Variants in CPS1 observed in about 807,000 individuals in gnomAD.
CPS1 encodes carbamoyl-phosphate synthase [ammonia], mitochondrial.
A neutral mutation model predicts 174.6 loss-of-function variants in CPS1; 109 were observed. The ratio of observed to expected loss-of-function variants is 0.62; its 90% CI spans 0.53 to 0.73. CPS1 has a LOEUF of 0.73. Among genes scored for constraint, CPS1 ranks in the 30% least tolerant of loss-of-function variants. The pLI is 0.00. For synonymous variants in CPS1, 637 were observed against 632.0 expected (o/e 1.01, Z -0.12); for missense variants, 1,689 against 1,821.9 (o/e 0.93, Z 1.33).
chr2:210,477,783 A>C, intron 1 of CPS1: 1 of 1,613,300 alleles, frequency 6.2e-7, no homozygotes, highest in South Asian at 1.1e-5. Flanking sequence ...CTTAAGCTGG[A>C]TATCTCTCAT....
At chr2:210,664,985 A>G (rs1183468187) in intron 33 of CPS1, among the ~76,000 whole-genome samples, 1 of 152,210 alleles carries the variant, frequency 6.6e-6, no homozygotes, top group East Asian at 1.9e-4. Context: ...CTAGTGGTAA[A>G]GTGGGGATAT....
chr2:210,635,806 G>C (rs370184252), intron 21 of CPS1, among the ~76,000 whole-genome samples: 44 of 152,282 alleles, frequency 2.9e-4, no homozygotes, highest in Middle Eastern at 3.4e-3. Flanking sequence ...AATTCAATGG[G>C]AGATTTAACA....
chr2:210,663,700 G>T (rs919225046), intron 33 of CPS1, among the ~76,000 whole-genome samples: 1 of 152,068 alleles, frequency 6.6e-6, no homozygotes, highest in Non-Finnish European at 1.5e-5. Flanking sequence ...AACTATAATG[G>T]AATCGGCCAC....
At chr2:210,559,595 G>A (rs1233572611) in intron 1 of CPS1, among the ~76,000 whole-genome samples, 1 of 152,030 alleles carries the variant, frequency 6.6e-6, no homozygotes, top group Admixed American at 6.6e-5. Flanking sequence ...ATACTAAAAA[G>A]TTTTAGATAC....
chr2:210,557,724 A>C (rs1038198183), intron 1 of CPS1, among the ~76,000 whole-genome samples: 10 of 152,120 alleles, frequency 6.6e-5, no homozygotes, highest in African/African-American at 2.4e-4. Flanking sequence ...TTTAGCAGCA[A>C]AAGCTGTAAA....
chr2:210,670,048 AG>A, intron 34 of CPS1, among the ~76,000 whole-genome samples: 1 of 152,056 alleles, frequency 6.6e-6, no homozygotes, highest in Non-Finnish European at 1.5e-5. Flanking sequence ...AGGGGAAAAA[AG>A]GGTTTGTTAG....
At chr2:210,624,967 T>C (rs1224307059) in intron 21 of CPS1, among the ~76,000 whole-genome samples, 2 of 152,100 alleles carry the variant, frequency 1.3e-5, no homozygotes, top group Non-Finnish European at 2.9e-5. Flanking sequence ...TATCTATAAA[T>C]AGTCAATAAT....
chr2:210,497,889 CATACATATATATAT>C (rs1239167741), intron 1 of CPS1, among the ~76,000 whole-genome samples: 13 of 63,102 alleles, frequency 2.1e-4, no homozygotes, highest in South Asian at 1.7e-3. Flanking sequence ...ACAATATATA[CATACATATATATAT>C]ATATATATAT....
At chr2:210,619,185 T>A (rs1342331543) in intron 21 of CPS1, 1 of 152,070 alleles carries the variant, frequency 6.6e-6, no homozygotes, top group Non-Finnish European at 1.5e-5. Context: ...AAATATAGAA[T>A]GCTAGACGTG....
chr2:210,626,978 G>A lies in CPS1; in HGVS notation c.2687+10437G>A, dbSNP rs188795636. Among the ~76,000 whole-genome samples, 253 of 152,274 alleles carry A rather than the reference G, an allele frequency of 1.7e-3. 1 individual carries two copies. Among genetic ancestry groups the A allele is most frequent in the African/African-American group, 5.5e-3 (229 of 41,562 alleles). On this transcript the variant is annotated intron_variant, in intron 21 of 37. Coordinates refer to ENST00000233072, the MANE Select transcript of CPS1 (RefSeq NM_001875.5). The stretch of plus-strand genomic sequence containing the variant: ...GTCATACTTTATGTCACACCAATCA[G>A]AGGAAAACAAGGAATCTAGCCCAGG...
chr2:210,531,704 A>C (rs534254207), intron 1 of CPS1, among the ~76,000 whole-genome samples: 1 of 152,148 alleles, frequency 6.6e-6, no homozygotes, highest in African/African-American at 2.4e-5. Context: ...ACCACCAAAA[A>C]AGATTTGGAA....
At chr2:210,516,345 C>G (rs925185772) in intron 1 of CPS1, among the ~76,000 whole-genome samples, 2 of 151,738 alleles carry the variant, frequency 1.3e-5, no homozygotes, top group Admixed American at 6.6e-5. Flanking sequence ...TATTCTTTCT[C>G]TCTCACCACC....
upstream of CPS1, among the ~76,000 whole-genome samples, chr2:210,552,166 C>T (rs1696749552): frequency 6.6e-6 from 1 of 151,936 alleles, no homozygotes; most frequent in Admixed American, 6.6e-5. Flanking sequence ...AACAGTAGAA[C>T]TTTCTTCAGG....
Position 210,556,648 on chromosome 2 carries a change from T to A in CPS1, c.-86T>A. The A allele has an allele frequency of 6.3e-7, 1 of 1,584,150 alleles. No individual in the cohort carries two copies. The highest frequency in any genetic ancestry group is 8.6e-7 in the Non-Finnish European group (1 of 1,164,640). ...AAACACTGACTGCACCCCTCCCAGATTTCTTTTACATTAACTAAAAAGTCT... is the reference window on the plus strand; with the variant it reads ...AAACACTGACTGCACCCCTCCCAGAATTCTTTTACATTAACTAAAAAGTCT... On this transcript the variant is annotated 5_prime_UTR_variant, in exon 1 of 38. Coordinates refer to ENST00000233072, the MANE Select transcript of CPS1 (RefSeq NM_001875.5).
At chr2:210,496,265 G>T (rs1352298747) in intron 1 of CPS1, among the ~76,000 whole-genome samples, 1 of 152,060 alleles carries the variant, frequency 6.6e-6, no homozygotes. Flanking sequence ...CCAAAACTGT[G>T]TATGTCTCTC....
rs1243506295 is a variant in CPS1, at chr2:210,658,675, G to A, written c.3743G>A (p.Gly1248Glu). Reference protein sequence around the residue: ...GPFNVQFLVKGNDVLVIECNL... With the variant: ...GPFNVQFLVKENDVLVIECNL... ...TTCAACGTCCAATTTCTTGTCAAAG[G>A]AAATGATGTCTTGGTAAGAAATGCC... Residue 1248 changes from glycine to glutamate, a missense_variant, in exon 31 of 38, where the codon GGA (glycine) becomes GAA (glutamate). By Grantham distance (98) the Gly-to-Glu change is moderately conservative. Coordinates refer to ENST00000233072, the MANE Select transcript of CPS1 (RefSeq NM_001875.5). 6.2e-7 allele frequency: 1 copy of A among 1,613,540 alleles called. No individual in the cohort carries two copies. Among genetic ancestry groups the A allele is most frequent in the Non-Finnish European group, 8.5e-7 (1 of 1,179,510 alleles).
chr2:210,511,265 G>A (rs961589200), intron 1 of CPS1, among the ~76,000 whole-genome samples: 1 of 151,992 alleles, frequency 6.6e-6, no homozygotes, highest in Non-Finnish European at 1.5e-5. Context: ...ATCATTCTCA[G>A]CAAACCATCG....
At position 210,602,121 on chromosome 2, in the gene CPS1, G is replaced by A. The variant is rs1698747111; in HGVS notation, c.1708-81G>A. ...TCTCCCCACATAAGTTGGTTTACCTGATTGCCAGACTCTCTTGGTGTGGTC... is the reference window on the plus strand; with the variant it reads ...TCTCCCCACATAAGTTGGTTTACCTAATTGCCAGACTCTCTTGGTGTGGTC... On this transcript the variant is annotated intron_variant, in intron 15 of 37. Transcript: ENST00000233072. 8 of 1,567,906 alleles carry A rather than the reference G, an allele frequency of 5.1e-6. No individual in the cohort carries two copies. The Admixed American group carries it at 1.4e-4, about 28-fold the overall frequency.
chr2:210,616,867 TA>T (rs571734813), intron 21 of CPS1, among the ~76,000 whole-genome samples: 5 of 152,054 alleles, frequency 3.3e-5, no homozygotes, highest in Non-Finnish European at 5.9e-5. Context: ...TATCTAGATT[TA>T]AATTTTATTA....
Sources: allele counts gnomAD v4.1 joint callset (sites outside exome capture counted in the v4.1 genomes callset), GRCh38; gene constraint gnomAD v4.1.1; transcripts MANE v1.5; gene names NCBI Gene and HGNC (gene_info 2026-07-23, HGNC 2026-07-21).